Variants in KCNQ4 observed in about 807,000 individuals in gnomAD.
KCNQ4 encodes the protein potassium voltage-gated channel subfamily KQT member 4.
In KCNQ4, 31 loss-of-function variants were observed where a neutral mutation model predicts 72.6. That is an observed-to-expected ratio of 0.43 (90% CI 0.32 to 0.58). The LOEUF is 0.58. Among genes scored for constraint, KCNQ4 ranks in the 20% least tolerant of loss-of-function variants. KCNQ4 has a pLI of 0.08. For synonymous variants in KCNQ4, 405 were observed against 403.7 expected (o/e 1.00, Z -0.04); for missense variants, 869 against 962.6 (o/e 0.90, Z 1.29).
At chr1:40,797,877 G>A (rs1430509503) in intron 1 of KCNQ4, among the ~76,000 whole-genome samples, 1 of 152,100 alleles carries the variant, frequency 6.6e-6, no homozygotes, top group African/African-American at 2.4e-5. Flanking sequence ...GGTGGTGTGT[G>A]GGGGTGGCCT....
At chr1:40,816,356 C>G (rs1424095501) in intron 1 of KCNQ4, among the ~76,000 whole-genome samples, 3 of 152,290 alleles carry the variant, frequency 2.0e-5, no homozygotes, top group South Asian at 2.1e-4. Flanking sequence ...CTCTCCTTCA[C>G]CCATCCACAT....
chr1:40,811,314 C>T (rs1558005908), intron 1 of KCNQ4, among the ~76,000 whole-genome samples: 1 of 152,172 alleles, frequency 6.6e-6, no homozygotes, highest in Non-Finnish European at 1.5e-5. Context: ...GTGGAGAAGG[C>T]GGTGATTGCA....
In KCNQ4 at chr1:40,803,914, C is replaced by T. The variant is rs930766182; in HGVS notation, c.315-13351C>T. Among the ~76,000 whole-genome samples the T allele has an allele frequency of 9.2e-5, 14 of 152,240 alleles. 1 individual carries two copies. Among genetic ancestry groups the T allele is most frequent in the African/African-American group, 3.4e-4 (14 of 41,460 alleles). ...GTCTACAGAACTCCTGGGCTGGGCTCAGTCTTGGCACCTGAGCTCCCCAGG... is the reference window on the plus strand; with the variant it reads ...GTCTACAGAACTCCTGGGCTGGGCTTAGTCTTGGCACCTGAGCTCCCCAGG... On this transcript the variant is annotated intron_variant, in intron 1 of 13. Transcript: ENST00000347132.
At chr1:40,809,723 C>G (rs991315159) in intron 1 of KCNQ4, among the ~76,000 whole-genome samples, 1 of 152,168 alleles carries the variant, frequency 6.6e-6, no homozygotes, top group Non-Finnish European at 1.5e-5. Context: ...GTGTACTTCC[C>G]CAAGTGGTCC....
At chr1:40,813,253 G>A (rs1353178845) in intron 1 of KCNQ4, among the ~76,000 whole-genome samples, 1 of 152,194 alleles carries the variant, frequency 6.6e-6, no homozygotes, top group Non-Finnish European at 1.5e-5. Context: ...TTTGTGGAGA[G>A]CGATGGTTTC....
intron 9 of KCNQ4, among the ~76,000 whole-genome samples, chr1:40,827,599 A>G (rs751584286): frequency 2.0e-5 from 3 of 152,128 alleles, no homozygotes; most frequent in Non-Finnish European, 4.4e-5. Context: ...TGGGTTTCCA[A>G]AGGTGCCTCT....
chr1:40,811,110 G>A lies in KCNQ4; in HGVS notation c.315-6155G>A, dbSNP rs561637710. 3.9e-5 allele frequency among the ~76,000 whole-genome samples: 6 copies of A among 152,132 alleles called. No homozygotes were observed. In the South Asian group the frequency reaches 1.2e-3, roughly 32 times the overall value. ...GGGTGATGATGGTACGGTTCCATGG[G>A]GTCACTGTGAGAACTCATTAAGAAC... On this transcript the variant is annotated intron_variant, in intron 1 of 13. Coordinates refer to ENST00000347132, the MANE Select transcript of KCNQ4 (RefSeq NM_004700.4).
intron 9 of KCNQ4, among the ~76,000 whole-genome samples, chr1:40,830,276 A>G (rs1168986646): frequency 6.6e-6 from 1 of 152,180 alleles, no homozygotes; most frequent in Non-Finnish European, 1.5e-5. Flanking sequence ...TGGCCTGGGC[A>G]TACATGTGGG....
intron 12 of KCNQ4, among the ~76,000 whole-genome samples, 171 bp downstream of exon 12, chr1:40,835,269 C>A (rs1409529665): frequency 6.6e-6 from 1 of 152,182 alleles, no homozygotes; most frequent in East Asian, 1.9e-4. Flanking sequence ...GACCCAGCAC[C>A]CGTCCCAAGG....
rs745887225 is a variant in KCNQ4, at chr1:40,824,090, C to T, written c.1131-7C>T. The T allele has an allele frequency of 1.2e-5, 19 of 1,550,918 alleles. No homozygotes were observed. The South Asian group carries it at 2.3e-4, about 18-fold the overall frequency. On this transcript the variant is annotated splice_region_variant and splice_polypyrimidine_tract_variant and intron_variant, in intron 8 of 13. Transcript: ENST00000347132. ...CTGCCTGCCACTGATGGTGCCCTCT[C>T]CTGCAGAGAGCTGGCCCTCTTGTTT...
intron 4 of KCNQ4, chr1:40,819,083 G>A: frequency 1.8e-6 from 1 of 546,062 alleles, no homozygotes; most frequent in South Asian, 2.0e-5. Flanking sequence ...AGGTAGGCCG[G>A]GTGCTGGAGT....
chr1:40,816,521 G>C (rs1055675609), intron 1 of KCNQ4, among the ~76,000 whole-genome samples: 1 of 152,162 alleles, frequency 6.6e-6, no homozygotes, highest in African/African-American at 2.4e-5. Context: ...TCCTCGTGGT[G>C]CACTGGGGGA....
In KCNQ4 at chr1:40,817,658, T is replaced by C. The variant is rs1648140875; in HGVS notation, c.405+303T>C. Among the ~76,000 whole-genome samples the C allele has an allele frequency of 6.6e-6, 1 of 152,198 alleles. No individual in the cohort carries two copies. Among genetic ancestry groups the C allele is most frequent in the African/African-American group, 2.4e-5 (1 of 41,450 alleles). ...GCCCCTCTCTGGGCATCATCTCCAC[T>C]TTATAGCAAGTGTTGGGGGACCTCC... On this transcript the variant is annotated intron_variant, in intron 2 of 13. Coordinates refer to ENST00000347132, the MANE Select transcript of KCNQ4 (RefSeq NM_004700.4). The surrounding 1 kb of genome is among the most constrained non-coding windows in gnomAD (Gnocchi z 5.5).
chr1:40,835,750 G>A (rs1648791131), intron 12 of KCNQ4, among the ~76,000 whole-genome samples: 1 of 152,224 alleles, frequency 6.6e-6, no homozygotes, highest in Non-Finnish European at 1.5e-5. Flanking sequence ...GTCAGACAAC[G>A]ATAAATACTA....
intron 1 of KCNQ4, among the ~76,000 whole-genome samples, chr1:40,803,303 A>T (rs1647640602): frequency 6.6e-6 from 1 of 152,166 alleles, no homozygotes; most frequent in Non-Finnish European, 1.5e-5. Flanking sequence ...CTCCCACCCA[A>T]TCCCTTCCTC....
rs1341579637 is a variant in KCNQ4, at chr1:40,788,380, C to G, written c.314+3973C>G. On this transcript the variant is annotated intron_variant, in intron 1 of 13. Coordinates refer to ENST00000347132, the MANE Select transcript of KCNQ4 (RefSeq NM_004700.4). This position sits in a 1 kb window ranked among gnomAD's most constrained non-coding sequence, Gnocchi z 4.5. ...TCCTGCTTCCTTGTCCAGGACTGTTCGCTCCGTTCCTAGTGGCCACCGGGC... is the reference window on the plus strand; with the variant it reads ...TCCTGCTTCCTTGTCCAGGACTGTTGGCTCCGTTCCTAGTGGCCACCGGGC... Among the ~76,000 whole-genome samples the G allele has an allele frequency of 6.6e-6, 1 of 152,164 alleles. No homozygotes were observed. Among genetic ancestry groups the G allele is most frequent in the Non-Finnish European group, 1.5e-5 (1 of 68,034 alleles).
At chr1:40,826,517 G>A (rs1472954238) in intron 9 of KCNQ4, 4 of 388,872 alleles carry the variant, frequency 1.0e-5, no homozygotes, top group Non-Finnish European at 2.2e-5. Context: ...GGATGATTTA[G>A]GTGGGGGTCC....
At chr1:40,838,281 C>T (rs757955435) in intron 13 of KCNQ4, 30 bp from the exon 14 acceptor site, 3 of 1,603,290 alleles carry the variant, frequency 1.9e-6, no homozygotes, top group Non-Finnish European at 2.6e-6. Flanking sequence ...CGGTCCCAGG[C>T]CCTGCTTCCC....
At chr1:40,795,407 G>T (rs962558425) in intron 1 of KCNQ4, among the ~76,000 whole-genome samples, 4 of 152,012 alleles carry the variant, frequency 2.6e-5, no homozygotes, top group Non-Finnish European at 5.9e-5. Flanking sequence ...GACCGCAGGT[G>T]CACGTCACGG....
Sources: allele counts gnomAD v4.1 joint callset (sites outside exome capture counted in the v4.1 genomes callset), GRCh38; gene constraint gnomAD v4.1.1; non-coding constraint Gnocchi (gnomAD v3.1); transcripts MANE v1.5; gene names NCBI Gene and HGNC (gene_info 2026-07-23, HGNC 2026-07-21).